The following IHO1 variants were observed in gnomAD, a reference collection of about 807,000 sequenced individuals.
IHO1 encodes the protein interactor of HORMAD1 1, also known as interactor of HORMAD1 protein 1.
Under a neutral mutation model 31.0 loss-of-function variants are expected in IHO1, and 13 were observed. That is an observed-to-expected ratio of 0.42 (90% confidence interval 0.27 to 0.67). IHO1 has a LOEUF of 0.67. Among genes scored for constraint, IHO1 ranks in the 30% least tolerant of loss-of-function variants. IHO1 has a pLI of 0.24. For missense variants in IHO1, 599 were observed against 687.5 expected, an observed-to-expected ratio of 0.87 and a Z score of 1.44; for synonymous variants, 221 against 248.4, an observed-to-expected ratio of 0.89 and a Z score of 1.04.
intron 2 of IHO1, among the ~76,000 whole-genome samples, chr3:49,226,374 T>G (rs983385553): frequency 3.9e-5 from 6 of 152,074 alleles, no homozygotes; most frequent in Non-Finnish European, 7.4e-5. Context: ...CTCGAGTGAG[T>G]CAGGTGACAG....
rs1553615439 is a variant in IHO1 at position 49,200,475 on chromosome 3, A to AAAAAAGAAAAGAAAAGAAAAGAAAGAAAG, written c.-16+905_-16+906insAAGAAAAGAAAAGAAAAGAAAGAAAGAAA. The AAAAAAGAAAAGAAAAGAAAAGAAAGAAAG allele has an allele frequency of 3.9e-5, 4 of 103,858 alleles. 1 individual carries two copies. Among genetic ancestry groups the AAAAAAGAAAAGAAAAGAAAAGAAAGAAAG allele is most frequent in the African/African-American group, 2.4e-4 (4 of 16,460 alleles). 6.4% of individuals were successfully genotyped at this position (103,858 alleles called of 1,614,324 possible). A position where few individuals can be genotyped will look rare whatever the true frequency, so the allele number is the denominator to read the frequency against. On this transcript the variant is annotated intron_variant, in intron 1 of 7. Transcript: ENST00000452691. ...GTGAGACTCGGTCTCAAAAAAAAAA[A>AAAAAAGAAAAGAAAAGAAAAGAAAGAAAG]AAAGAAAGAAAGAAAGAAAGAAAGA...
intron 2 of IHO1, among the ~76,000 whole-genome samples, chr3:49,212,041 A>G (rs1309897986): frequency 6.6e-6 from 1 of 151,806 alleles, no homozygotes; most frequent in Non-Finnish European, 1.5e-5. Flanking sequence ...GCGGGTGCCT[A>G]TAGTCCCAGC....
chr3:49,229,914 T>G (rs2046461250), intron 2 of IHO1, among the ~76,000 whole-genome samples: 1 of 152,206 alleles, frequency 6.6e-6, no homozygotes, highest in Non-Finnish European at 1.5e-5. Flanking sequence ...TGAGCAGTTT[T>G]ACAGCCCTCA....
Position 49,236,608 on chromosome 3 carries a change from C to T in IHO1, c.117C>T (p.Ser39=). The part of the protein sequence containing the change: ...NQNDYSSLSD[S]QFLFGSQFCP... Reference sequence around the variant, plus strand: ...ATGATTATTCCAGTCTCAGTGATTCCCAGTTCCTCTTTGGATCTCAGTTCT... The same window carrying T: ...ATGATTATTCCAGTCTCAGTGATTCTCAGTTCCTCTTTGGATCTCAGTTCT... The change falls in exon 3 of 8, where the codon TCC becomes TCT. Residue 39 remains serine, a synonymous_variant. Coordinates refer to ENST00000452691, the MANE Select transcript of IHO1 (RefSeq NM_001135197.2). 1 of 1,613,478 alleles carries T rather than the reference C, an allele frequency of 6.2e-7. No homozygotes were observed. The highest frequency in any genetic ancestry group is 1.1e-5 in the South Asian group (1 of 91,054).
At chr3:49,221,564 G>A (rs537492476) in intron 2 of IHO1, among the ~76,000 whole-genome samples, 3 of 152,252 alleles carry the variant, frequency 2.0e-5, no homozygotes, top group Admixed American at 6.5e-5. Flanking sequence ...GGTGATGACC[G>A]CTATAGCTAC....
rs1019297355 is a variant in IHO1, at chr3:49,241,566, CACAA to C, written c.395+181_395+184del. Among the ~76,000 whole-genome samples, 4 of 151,852 alleles carry C rather than the reference CACAA, an allele frequency of 2.6e-5. No individual in the cohort carries two copies. In the East Asian group the frequency reaches 5.8e-4, roughly 22 times the overall value. On this transcript the variant is annotated intron_variant, in intron 4 of 7. Coordinates refer to ENST00000452691, the MANE Select transcript of IHO1 (RefSeq NM_001135197.2). Reference sequence around the variant, plus strand: ...ACACACACACACACACACACAGACACACAAACAGACACACAGAGAAAGAGGGAGA... The same window carrying C: ...ACACACACACACACACACACAGACACACAGACACACAGAGAAAGAGGGAGA...
chr3:49,229,163 G>A (rs1460127040), intron 2 of IHO1, among the ~76,000 whole-genome samples: 2 of 152,182 alleles, frequency 1.3e-5, no homozygotes, highest in Non-Finnish European at 2.9e-5. Flanking sequence ...TAGACACAGA[G>A]CACTGATTGG....
At chr3:49,255,558 CTTTTTTT>C (rs11344456) in intron 7 of IHO1, 65 bp downstream of exon 7, 47 of 354,338 alleles carry the variant, frequency 1.3e-4, no homozygotes, top group Middle Eastern at 8.6e-4. Flanking sequence ...CAGAGAGAAA[CTTTTTTT>C]TTTTTTTTTT....
At position 49,200,592 on chromosome 3, in the gene IHO1, C is replaced by T. The variant is rs1483495568; in HGVS notation, c.-16+1019C>T. ...AGTCCATGCCAATCGGGGCGGTCCT[C>T]TCCCCCTCACGTGTTCCTCCCTTGT... On this transcript the variant is annotated intron_variant, in intron 1 of 7. Coordinates refer to ENST00000452691, the MANE Select transcript of IHO1 (RefSeq NM_001135197.2). 10 of 984,444 alleles carry T rather than the reference C, an allele frequency of 1.0e-5. No individual in the cohort carries two copies. In the East Asian group the frequency reaches 6.8e-4, roughly 67 times the overall value. 61.0% of individuals were successfully genotyped at this position (984,444 alleles called of 1,614,324 possible). A position where few individuals can be genotyped will look rare whatever the true frequency, so the allele number is the denominator to read the frequency against.
chr3:49,256,711 A>C lies in IHO1; in HGVS notation c.1214A>C (p.Lys405Thr), dbSNP rs748984748. The change falls in exon 8 of 8, where the codon AAG becomes ACG. Residue 405 changes from lysine (K) to threonine (T), a missense_variant. Coordinates refer to ENST00000452691, the MANE Select transcript of IHO1 (RefSeq NM_001135197.2). The surrounding 1 kb of genome is among the most constrained non-coding windows in gnomAD (Gnocchi z 4.6). ...GAGATAAACTTTTCAACCAGCATTA[A>C]GAATGCCTGCCAAAAATATCAAGCC... is the stretch of plus-strand genomic sequence containing the variant. ...SLEINFSTSI[K>T]NACQKYQAQS... 1.9e-6 allele frequency: 3 copies of C among 1,614,242 alleles called. No individual in the cohort carries two copies. Among genetic ancestry groups the C allele is most frequent in the African/African-American group, 1.3e-5 (1 of 75,060 alleles).
rs141545359 is a variant in IHO1, at chr3:49,254,988, A to G, written c.533-402A>G. 5.9e-3 allele frequency among the ~76,000 whole-genome samples: 899 copies of G among 152,018 alleles called. 9 individuals carry two copies. The highest frequency in any genetic ancestry group is 0.02 in the African/African-American group (839 of 41,460). ...TGAGGCAGGAGAATCGCTCAAACCT[A>G]GGAGGGGGAAGTTGCAGTGAACCAA... On this transcript the variant is annotated intron_variant, in intron 6 of 7. Coordinates refer to ENST00000452691, the MANE Select transcript of IHO1 (RefSeq NM_001135197.2).
At chr3:49,250,402 G>C (rs1049842009) in intron 6 of IHO1, among the ~76,000 whole-genome samples, 1 of 152,080 alleles carries the variant, frequency 6.6e-6, no homozygotes, top group Admixed American at 6.6e-5. Flanking sequence ...TGTTGCCCTG[G>C]GGACAAGAAC....
At chr3:49,253,577 C>A (rs2046787844) in intron 6 of IHO1, among the ~76,000 whole-genome samples, 1 of 152,110 alleles carries the variant, frequency 6.6e-6, no homozygotes, top group Non-Finnish European at 1.5e-5. Context: ...GATCTCAATT[C>A]CTCTGTTTGG....
chr3:49,223,945 C>T (rs946785105), intron 2 of IHO1, among the ~76,000 whole-genome samples: 1 of 152,116 alleles, frequency 6.6e-6, no homozygotes. Context: ...CCAAAGGGAC[C>T]TTACGATGGA....
intron 1 of IHO1, among the ~76,000 whole-genome samples, chr3:49,205,088 T>G (rs1575563325): frequency 6.6e-6 from 1 of 151,524 alleles, no homozygotes; most frequent in African/African-American, 2.4e-5. Context: ...AAGCGGCTGG[T>G]TGGCTATTTT....
intron 2 of IHO1, among the ~76,000 whole-genome samples, chr3:49,229,745 A>T (rs1376140622): frequency 6.6e-6 from 1 of 152,200 alleles, no homozygotes; most frequent in East Asian, 1.9e-4. Context: ...ACATAGTTGG[A>T]GTTGGTAAAG....
chr3:49,219,720 C>G (rs1382158842), intron 2 of IHO1, among the ~76,000 whole-genome samples: 1 of 152,140 alleles, frequency 6.6e-6, no homozygotes, highest in Non-Finnish European at 1.5e-5. Context: ...AAACGTAGAG[C>G]TAAGCTGGAG....
chr3:49,223,610 G>A (rs551946948), intron 2 of IHO1, among the ~76,000 whole-genome samples: 3 of 151,908 alleles, frequency 2.0e-5, no homozygotes, highest in East Asian at 1.9e-4. Flanking sequence ...AGAATGGCGC[G>A]AACCCGGGAG....
chr3:49,214,786 C>T (rs898538869), intron 2 of IHO1, among the ~76,000 whole-genome samples: 1 of 148,502 alleles, frequency 6.7e-6, no homozygotes, highest in African/African-American at 2.5e-5. Flanking sequence ...ATTACAGGTG[C>T]CTGCCACCAC....
Sources: gnomAD v4.1 joint callset for allele counts (sites outside exome capture counted in the v4.1 genomes callset) on GRCh38, gnomAD v4.1.1 for gene constraint, Gnocchi (gnomAD v3.1) non-coding constraint, MANE v1.5 for transcripts, NCBI Gene and HGNC (gene_info 2026-07-23, HGNC 2026-07-21) for gene names.